Variants in COL11A1 observed in about 807,000 individuals in gnomAD.
The protein encoded by COL11A1 is collagen alpha-1(XI) chain.
A neutral mutation model predicts 265.2 loss-of-function variants in COL11A1; 74 were observed. The ratio of observed to expected loss-of-function variants is 0.28; its 90% CI spans 0.23 to 0.34. COL11A1 has a LOEUF of 0.34. Among genes scored for constraint, COL11A1 ranks in the 10% least tolerant of loss-of-function variants. The probability of loss-of-function intolerance (pLI) is 1.00; values close to 1 mark genes in which losing one functional copy is unlikely to be tolerated. For synonymous variants in COL11A1, 816 were observed against 727.6 expected, an observed-to-expected ratio of 1.12 and a Z score of -1.96; for missense variants, 2,165 against 2,263.6, an observed-to-expected ratio of 0.96 and a Z score of 0.88.
intron 20 of COL11A1, among the ~76,000 whole-genome samples, chr1:103,003,769 A>G (rs1025204861): frequency 6.6e-6 from 1 of 152,102 alleles, no homozygotes; most frequent in Non-Finnish European, 1.5e-5. Flanking sequence ...AGGTTTCTTA[A>G]ATTATTATTA....
chr1:102,954,854 A>G (rs918258834), intron 41 of COL11A1, among the ~76,000 whole-genome samples: 19 of 151,242 alleles, frequency 1.3e-4, no homozygotes, highest in Non-Finnish European at 2.7e-4. Flanking sequence ...TGAAATAAAA[A>G]AAAAAAAAAA....
rs931157620 is a variant in COL11A1, at chr1:103,107,491, TCCCCCG to T, written c.106+576_106+581del. Among the ~76,000 whole-genome samples the T allele has an allele frequency of 4.0e-4, 56 of 140,510 alleles. 1 individual carries two copies. In the Admixed American group the frequency reaches 4.1e-3, roughly 10 times the overall value. The allele number at this position is 140,510 out of a possible 152,430, so 92.2% of individuals were successfully genotyped here. On this transcript the variant is annotated intron_variant, in intron 1 of 66. Transcript: ENST00000370096. ...TTGTCCACTTAAAATAGATTGACCC[TCCCCCG>T]CCCCCCAAACACACAGAGTGTTCCT... is the stretch of plus-strand genomic sequence containing the variant.
At chr1:102,918,084 T>C (rs948610932) in intron 49 of COL11A1, among the ~76,000 whole-genome samples, 2 of 151,432 alleles carry the variant, frequency 1.3e-5, no homozygotes, top group East Asian at 1.9e-4. Flanking sequence ...TCTATATTTC[T>C]AATACCAAAA....
intron 19 of COL11A1, 37 bp downstream of exon 19, chr1:103,004,571 T>C (rs775055557): frequency 2.1e-5 from 33 of 1,587,502 alleles, no homozygotes; most frequent in South Asian, 1.9e-4. Context: ...TATGTTTTAA[T>C]TTTAAATATT....
At chr1:103,079,643 C>T (rs1056234325) in intron 2 of COL11A1, among the ~76,000 whole-genome samples, 6 of 151,684 alleles carry the variant, frequency 4.0e-5, no homozygotes, top group Admixed American at 6.6e-5. Context: ...TATTAAGTTG[C>T]GGGTTTTATT....
Position 103,085,600 on chromosome 1 carries a change from C to T in COL11A1, c.107-2628G>A, listed in dbSNP as rs184049250. ...CAACAGTATTTGAGGACCTGCTTGACTTATATTCTATTGGCTTCATACCTA... is the reference window on the plus strand; with the variant it reads ...CAACAGTATTTGAGGACCTGCTTGATTTATATTCTATTGGCTTCATACCTA... On this transcript the variant is annotated intron_variant, in intron 1 of 66. Coordinates refer to ENST00000370096, the MANE Select transcript of COL11A1 (RefSeq NM_001854.4). Among the ~76,000 whole-genome samples, 24 of 152,202 alleles carry T rather than the reference C, an allele frequency of 1.6e-4. No individual in the cohort carries two copies. In the East Asian group the frequency reaches 3.3e-3, roughly 21 times the overall value.
chr1:103,007,413 C>T (rs1665722148), intron 15 of COL11A1, among the ~76,000 whole-genome samples: 1 of 151,930 alleles, frequency 6.6e-6, no homozygotes, highest in Admixed American at 6.6e-5. Flanking sequence ...TTACATAGGC[C>T]TTCATATTTA....
intron 4 of COL11A1, among the ~76,000 whole-genome samples, chr1:103,031,881 T>G (rs1307118442): frequency 2.0e-5 from 3 of 151,936 alleles, no homozygotes; most frequent in Non-Finnish European, 2.9e-5. Context: ...AAGGATACAT[T>G]AAACATCACC....
chr1:102,915,269 G>A (rs1432677336), intron 50 of COL11A1, among the ~76,000 whole-genome samples: 5 of 152,106 alleles, frequency 3.3e-5, no homozygotes, highest in East Asian at 1.9e-4. Flanking sequence ...ATTTAATCGC[G>A]TTTTAAACTA....
intron 44 of COL11A1, among the ~76,000 whole-genome samples, chr1:102,936,368 A>AT (rs545175382): frequency 0.061 from 9,236 of 152,110 alleles, 341 homozygotes; most frequent in Non-Finnish European, 0.085. Flanking sequence ...AAAAACTATG[A>AT]TTTTTTAGTT....
Position 103,021,631 on chromosome 1 carries a change from T to C in COL11A1, c.1308+76A>G, listed in dbSNP as rs1329832253. 9 of 933,278 alleles carry C rather than the reference T, an allele frequency of 9.6e-6. No homozygotes were observed. The East Asian group carries it at 2.2e-4, about 22-fold the overall frequency. 57.8% of individuals were successfully genotyped at this position (933,278 alleles called of 1,614,324 possible). A position where few individuals can be genotyped will look rare whatever the true frequency, so the allele number is the denominator to read the frequency against. Reference sequence around the variant, plus strand: ...GATTATCATTGGTAAAACACGAACATACATAATAATTTAACATAATCGTGG... The same window carrying C: ...GATTATCATTGGTAAAACACGAACACACATAATAATTTAACATAATCGTGG... On this transcript the variant is annotated intron_variant, in intron 9 of 66. Coordinates refer to ENST00000370096, the MANE Select transcript of COL11A1 (RefSeq NM_001854.4).
chr1:102,898,203 T>G (rs1652693392), intron 56 of COL11A1, 25 bp from the exon 57 acceptor site: 1 of 1,202,906 alleles, frequency 8.3e-7, no homozygotes, highest in South Asian at 2.8e-5. Context: ...AATGATTGAT[T>G]TTTAAAATTA....
At chr1:103,051,470 G>C (rs1038696147) in intron 4 of COL11A1, among the ~76,000 whole-genome samples, 2 of 152,200 alleles carry the variant, frequency 1.3e-5, no homozygotes, top group African/African-American at 4.8e-5. Flanking sequence ...GTATTAGGGT[G>C]GGAGTGACCT....
chr1:103,062,246 A>G (rs577719912), intron 4 of COL11A1, among the ~76,000 whole-genome samples: 3 of 152,120 alleles, frequency 2.0e-5, no homozygotes, highest in South Asian at 4.1e-4. Flanking sequence ...AAGTCTATCA[A>G]ACATTTAAGG....
At chr1:103,040,046 A>C (rs562740048) in intron 4 of COL11A1, among the ~76,000 whole-genome samples, 1 of 152,202 alleles carries the variant, frequency 6.6e-6, no homozygotes, top group Non-Finnish European at 1.5e-5. Context: ...ACAAATAAAG[A>C]ATTTAAAGAG....
chr1:102,976,972 ATACTT>A (rs1206521370), intron 35 of COL11A1, among the ~76,000 whole-genome samples: 1 of 152,166 alleles, frequency 6.6e-6, no homozygotes, highest in African/African-American at 2.4e-5. Context: ...AATTTGTAGA[ATACTT>A]TAATAAAAGT....
intron 41 of COL11A1, among the ~76,000 whole-genome samples, chr1:102,952,366 G>T (rs1419671299): frequency 1.3e-5 from 2 of 152,116 alleles, no homozygotes; most frequent in Admixed American, 1.3e-4. Flanking sequence ...CAAAGTGCTG[G>T]AATTACAGGT....
At chr1:102,986,642 A>G (rs1041675732) in intron 30 of COL11A1, among the ~76,000 whole-genome samples, 28 of 152,166 alleles carry the variant, frequency 1.8e-4, no homozygotes, top group African/African-American at 5.6e-4. Flanking sequence ...CCAGCAAGAG[A>G]TTACTGATAT....
intron 4 of COL11A1, among the ~76,000 whole-genome samples, chr1:103,064,861 A>G (rs1670972676): frequency 6.6e-6 from 1 of 151,760 alleles, no homozygotes; most frequent in East Asian, 1.9e-4. Flanking sequence ...CGCAACTTCC[A>G]GGGGTTAATC....
Sources: allele counts gnomAD v4.1 joint callset (sites outside exome capture counted in the v4.1 genomes callset), GRCh38; gene constraint gnomAD v4.1.1; transcripts MANE v1.5; gene names NCBI Gene and HGNC (gene_info 2026-07-23, HGNC 2026-07-21).